The following TBL1XR1 variants were observed in gnomAD, a reference collection of about 807,000 sequenced individuals.
TBL1XR1 encodes the protein TBL1X/Y related 1.
A neutral mutation model predicts 66.9 loss-of-function variants in TBL1XR1; 5 were observed. That is an observed-to-expected ratio of 0.07 (90% confidence interval 0.04 to 0.16). TBL1XR1 has a LOEUF of 0.16. TBL1XR1 is among the 10% of genes least tolerant of loss of function. TBL1XR1 has a pLI of 1.00. For missense variants in TBL1XR1, 238 were observed against 623.2 expected (o/e 0.38, Z 6.58); for synonymous variants, 210 against 206.0 (o/e 1.02, Z -0.17).
chr3:177,142,056 A>G (rs1192554037), intron 1 of TBL1XR1, among the ~76,000 whole-genome samples: 1 of 152,224 alleles, frequency 6.6e-6, no homozygotes, highest in Admixed American at 6.5e-5. Context: ...GGCGAGAGGA[A>G]TGAGAAGAAG....
At chr3:177,028,634 A>G (rs1713495114) in intron 14 of TBL1XR1, among the ~76,000 whole-genome samples, 1 of 152,236 alleles carries the variant, frequency 6.6e-6, no homozygotes, top group South Asian at 2.1e-4. Flanking sequence ...ATGGAGGTAT[A>G]ACGTATTTAT....
intron 7 of TBL1XR1, among the ~76,000 whole-genome samples, chr3:177,049,411 AGTCAC>A (rs928806350): frequency 6.6e-6 from 1 of 152,184 alleles, no homozygotes; most frequent in African/African-American, 2.4e-5. Flanking sequence ...GTTTTTTGTA[AGTCAC>A]AGTAGTCAAG....
At chr3:177,135,293 C>T (rs1352897482) in intron 1 of TBL1XR1, among the ~76,000 whole-genome samples, 1 of 119,896 alleles carries the variant, frequency 8.3e-6, no homozygotes, top group Non-Finnish European at 1.8e-5. Flanking sequence ...TGAGCCACCG[C>T]ACAAGGCCGC....
chr3:177,164,259 T>C (rs1732562266), intron 1 of TBL1XR1, among the ~76,000 whole-genome samples: 2 of 152,198 alleles, frequency 1.3e-5, no homozygotes, highest in African/African-American at 4.8e-5. Context: ...ATGTTTGCTA[T>C]CCGAGTATTC....
intron 1 of TBL1XR1, among the ~76,000 whole-genome samples, chr3:177,172,630 G>GAAA (rs1363371428): frequency 3.4e-5 from 3 of 87,038 alleles, no homozygotes; most frequent in African/African-American, 1.1e-4. Flanking sequence ...TCAAGAAAGA[G>GAAA]AGAAGAGAGA....
intron 2 of TBL1XR1, 141 bp from the exon 3 acceptor site, chr3:177,065,163 T>C: frequency 2.1e-6 from 1 of 481,524 alleles, no homozygotes; most frequent in Non-Finnish European, 3.5e-6. Flanking sequence ...CCTGACAAAG[T>C]TGCTTCCAAT....
chr3:177,110,176 T>A (rs978480524), intron 1 of TBL1XR1, among the ~76,000 whole-genome samples: 1 of 152,140 alleles, frequency 6.6e-6, no homozygotes, highest in African/African-American at 2.4e-5. Context: ...ATGTGCCAAA[T>A]CAAAGAAATT....
intron 1 of TBL1XR1, among the ~76,000 whole-genome samples, chr3:177,159,720 G>A (rs575286030): frequency 2.8e-4 from 43 of 152,278 alleles, no homozygotes; most frequent in African/African-American, 8.9e-4. Context: ...CAGCTCCTAC[G>A]AAAGTCCTAA....
chr3:177,069,607 C>T (rs561600203), intron 2 of TBL1XR1, among the ~76,000 whole-genome samples: 21 of 151,938 alleles, frequency 1.4e-4, no homozygotes, highest in Admixed American at 1.0e-3. Flanking sequence ...GGCATGGTGG[C>T]GCAGGCCTGT....
intron 14 of TBL1XR1, among the ~76,000 whole-genome samples, chr3:177,029,163 C>G (rs879674960): frequency 2.9e-4 from 44 of 151,268 alleles, no homozygotes; most frequent in Non-Finnish European, 6.2e-4. Flanking sequence ...TAGCCGGGCA[C>G]AGTGGCATGT....
At chr3:177,037,861 T>A in intron 12 of TBL1XR1, 1 of 443,980 alleles carries the variant, frequency 2.3e-6, no homozygotes, top group Non-Finnish European at 4.1e-6. Context: ...GTATCATATG[T>A]CTCATTGTAT....
intron 10 of TBL1XR1, among the ~76,000 whole-genome samples, chr3:177,039,048 AACTTT>A (rs1292190132): frequency 6.6e-6 from 1 of 152,154 alleles, no homozygotes; most frequent in Non-Finnish European, 1.5e-5. Flanking sequence ...GCTTAATACA[AACTTT>A]ACTTCATGCA....
chr3:177,029,623 GACAAA>G (rs1341872650), intron 14 of TBL1XR1, among the ~76,000 whole-genome samples: 1 of 151,808 alleles, frequency 6.6e-6, no homozygotes, highest in Non-Finnish European at 1.5e-5. Flanking sequence ...TCTATCTCAA[GACAAA>G]ACAAAACAAC....
intron 2 of TBL1XR1, among the ~76,000 whole-genome samples, chr3:177,084,336 G>A (rs1049053129): frequency 6.6e-6 from 1 of 151,918 alleles, no homozygotes; most frequent in Non-Finnish European, 1.5e-5. Context: ...TCATAACTTC[G>A]TTTTGGCTGT....
intron 2 of TBL1XR1, among the ~76,000 whole-genome samples, chr3:177,094,194 T>C (rs1723174183): frequency 6.6e-6 from 1 of 151,792 alleles, no homozygotes; most frequent in African/African-American, 2.4e-5. Flanking sequence ...TCTCAAAAGA[T>C]ATACAAATGA....
intron 14 of TBL1XR1, among the ~76,000 whole-genome samples, chr3:177,029,010 T>A (rs116404678): frequency 4.4e-4 from 66 of 150,244 alleles, no homozygotes; most frequent in African/African-American, 1.6e-3. Flanking sequence ...TATATAAAAA[T>A]CAGTTCCAAA....
chr3:177,082,153 C>A (rs959952557), intron 2 of TBL1XR1, among the ~76,000 whole-genome samples: 11 of 152,046 alleles, frequency 7.2e-5, no homozygotes, highest in Non-Finnish European at 1.5e-4. Context: ...ATGGCTAGAG[C>A]TACGCACAAC....
rs908683836 is a variant in TBL1XR1, at chr3:177,019,676, C to T, written c.*5822G>A. On this transcript the variant is annotated 3_prime_UTR_variant, in exon 16 of 16. Coordinates refer to ENST00000457928, the MANE Select transcript of TBL1XR1 (RefSeq NM_024665.7). ...ATTATACTAGGTAATAAATCTAATC[C>T]ATTGTAAAGTGTTAACTATGAAATT... 4.6e-5 allele frequency: 7 copies of T among 152,004 alleles called. No individual in the cohort carries two copies. Among genetic ancestry groups the T allele is most frequent in the Non-Finnish European group, 8.8e-5 (6 of 67,980 alleles). 9.4% of individuals were successfully genotyped at this position (152,004 alleles called of 1,614,324 possible).
intron 2 of TBL1XR1, among the ~76,000 whole-genome samples, chr3:177,089,198 T>G (rs1235250620): frequency 6.6e-6 from 1 of 152,158 alleles, no homozygotes; most frequent in Non-Finnish European, 1.5e-5. Flanking sequence ...CACTGAGAAA[T>G]GTACCTGTCA....
Sources: gnomAD v4.1 joint callset for allele counts (sites outside exome capture counted in the v4.1 genomes callset) on GRCh38, gnomAD v4.1.1 for gene constraint, MANE v1.5 for transcripts, NCBI Gene and HGNC (gene_info 2026-07-23, HGNC 2026-07-21) for gene names.